ACSM2A: variants seen among roughly 807,000 people sequenced by gnomAD.
ACSM2A encodes the protein acyl-coenzyme A synthetase ACSM2A, mitochondrial.
In ACSM2A, 72 loss-of-function variants were observed where a neutral mutation model predicts 76.6. The ratio of observed to expected loss-of-function variants is 0.94; its 90% CI spans 0.78 to 1.14. The LOEUF (loss-of-function observed/expected upper bound fraction) is 1.14. Among genes scored for constraint, ACSM2A ranks in the 50% most tolerant of loss-of-function variants. The pLI is 0.00. For synonymous variants in ACSM2A, 249 were observed against 255.9 expected (o/e 0.97, Z 0.26); for missense variants, 684 against 708.5 (o/e 0.97, Z 0.39).
At chr16:20,470,922 C>A in intron 4 of ACSM2A, 151 bp from the exon 5 acceptor site, 1 of 1,197,438 alleles carries the variant, frequency 8.4e-7, no homozygotes, top group African/African-American at 1.5e-5. Context: ...GACTCAGACT[C>A]CCATGATCTT....
Position 20,460,619 on chromosome 16 carries a change from C to T in ACSM2A, c.177+328C>T, listed in dbSNP as rs1041061695. On this transcript the variant is annotated intron_variant, in intron 2 of 13. Transcript: ENST00000573854. ...TTTTGGTCTGGGGTCGTAGAAGAGG[C>T]GGGTTTGAATCTAATAATAGCAAAT... is the stretch of plus-strand genomic sequence containing the variant. Among the ~76,000 whole-genome samples the T allele has an allele frequency of 2.7e-4, 41 of 150,760 alleles. 1 individual carries two copies. The highest frequency in any genetic ancestry group is 8.8e-4 in the African/African-American group (36 of 40,890).
At chr16:20,478,371 A>G (rs948052692) in intron 9 of ACSM2A, among the ~76,000 whole-genome samples, 4 of 152,208 alleles carry the variant, frequency 2.6e-5, no homozygotes, top group Admixed American at 6.5e-5. Flanking sequence ...GCCAGTCTCA[A>G]TAAAAGGATT....
intron 12 of ACSM2A, 144 bp from the exon 13 acceptor site, chr16:20,482,914 T>G (rs1438837532): frequency 4.5e-6 from 6 of 1,347,598 alleles, no homozygotes; most frequent in Non-Finnish European, 6.0e-6. Flanking sequence ...GTCCCCAGTT[T>G]TCTCCTTTTC....
intron 13 of ACSM2A, among the ~76,000 whole-genome samples, chr16:20,485,652 T>C (rs907884509): frequency 2.0e-5 from 3 of 152,238 alleles, no homozygotes. Context: ...CTGCAGGCCA[T>C]AGTTTGCTGA....
chr16:20,465,730 T>A lies in ACSM2A; in HGVS notation c.388+3T>A. On this transcript the variant is annotated splice_donor_region_variant and intron_variant, in intron 3 of 13. Transcript: ENST00000573854. ...GATCCTGGGCTGCATTCGAGCAGGT[T>A]GGTAACTGACTACCTGGACAGAGAA... The A allele has an allele frequency of 6.2e-7, 1 of 1,613,216 alleles. No homozygotes were observed. Among genetic ancestry groups the A allele is most frequent in the Admixed American group, 1.7e-5 (1 of 59,996 alleles).
intron 12 of ACSM2A, 82 bp from the exon 13 acceptor site, chr16:20,482,976 A>G: frequency 6.4e-7 from 1 of 1,568,968 alleles, no homozygotes; most frequent in Non-Finnish European, 8.7e-7. Context: ...GGGTGATGGA[A>G]GTCTTAATGC....
intron 6 of ACSM2A, among the ~76,000 whole-genome samples, chr16:20,472,727 C>A (rs909848139): frequency 1.3e-5 from 2 of 151,762 alleles, no homozygotes; most frequent in African/African-American, 4.9e-5. Context: ...GTAAATGGAG[C>A]CAAATTATAT....
In ACSM2A at chr16:20,486,915, C is replaced by A; in HGVS notation, c.*237C>A. The A allele has an allele frequency of 2.4e-6, 1 of 420,752 alleles. No homozygotes were observed. The highest frequency in any genetic ancestry group is 4.1e-6 in the Non-Finnish European group (1 of 241,132). 26.1% of individuals were successfully genotyped at this position (420,752 alleles called of 1,614,324 possible). ...AGAAAAAAAGGAAAGAAAAGTAAGT[C>A]AGGGAAATATTAAAACTGCAAGGGA... On this transcript the variant is annotated 3_prime_UTR_variant, in exon 14 of 14. Coordinates refer to ENST00000573854, the MANE Select transcript of ACSM2A (RefSeq NM_001308172.2).
At chr16:20,481,077 C>G in intron 12 of ACSM2A, 156 bp downstream of exon 12, 1 of 933,708 alleles carries the variant, frequency 1.1e-6, no homozygotes, top group Non-Finnish European at 1.6e-6. Flanking sequence ...AGCTACTTGG[C>G]CTCTCTGTTT....
chr16:20,452,967 C>T (rs2011871055), intron 1 of ACSM2A, among the ~76,000 whole-genome samples: 2 of 152,134 alleles, frequency 1.3e-5, no homozygotes, highest in African/African-American at 4.8e-5. Flanking sequence ...TGGTTGGTTG[C>T]TCCTAAGTTC....
intron 2 of ACSM2A, among the ~76,000 whole-genome samples, chr16:20,463,746 T>G: frequency 6.6e-6 from 1 of 152,226 alleles, no homozygotes; most frequent in Non-Finnish European, 1.5e-5. Context: ...ATATAGTACC[T>G]TATATAAATG....
intron 3 of ACSM2A, among the ~76,000 whole-genome samples, 168 bp from the exon 4 acceptor site, chr16:20,469,344 T>C (rs1479693169): frequency 6.6e-6 from 1 of 152,156 alleles, no homozygotes; most frequent in East Asian, 1.9e-4. Flanking sequence ...ATCCTAGGTT[T>C]CATTCACTCC....
chr16:20,457,328 C>A (rs1279124228), intron 1 of ACSM2A, among the ~76,000 whole-genome samples: 2 of 152,094 alleles, frequency 1.3e-5, no homozygotes, highest in East Asian at 3.9e-4. Flanking sequence ...GCCAGTATTA[C>A]CCTCATACCC....
intron 8 of ACSM2A, chr16:20,476,235 C>T (rs2013732914): frequency 1.0e-6 from 1 of 996,854 alleles, no homozygotes; most frequent in South Asian, 4.4e-5. Flanking sequence ...TTTACTGCAC[C>T]TCCTGACATA....
chr16:20,474,139 G>A (rs1225188032), intron 6 of ACSM2A: 1 of 412,394 alleles, frequency 2.4e-6, no homozygotes, highest in Non-Finnish European at 4.7e-6. Flanking sequence ...TGACCAATTT[G>A]GGCACGTGTT....
intron 1 of ACSM2A, among the ~76,000 whole-genome samples, chr16:20,458,903 TGC>T (rs1233205822): frequency 0.2 from 13,462 of 68,256 alleles, 873 homozygotes; most frequent in East Asian, 0.5. Context: ...TATATATATA[TGC>T]ATATATATAT....
rs1488216521 is a variant in ACSM2A, at chr16:20,475,459, A to G, written c.974+18A>G. 2 of 1,613,450 alleles carry G rather than the reference A, an allele frequency of 1.2e-6. No individual in the cohort carries two copies. Among genetic ancestry groups the G allele is most frequent in the Non-Finnish European group, 1.7e-6 (2 of 1,179,702 alleles). On this transcript the variant is annotated intron_variant, in intron 7 of 13. Coordinates refer to ENST00000573854, the MANE Select transcript of ACSM2A (RefSeq NM_001308172.2). The stretch of plus-strand genomic sequence containing the variant: ...CTTTCCAGGTGATGGGGCTTTGAGG[A>G]TTGGTAAGAGAGTCTGGCCCCATCC...
intron 1 of ACSM2A, among the ~76,000 whole-genome samples, chr16:20,458,904 GCATATATATATATATATATATATATATA>G (rs1226769654): frequency 2.9e-4 from 8 of 27,392 alleles, no homozygotes; most frequent in Admixed American, 3.7e-4. Context: ...ATATATATAT[GCATATATATATATATATATATATATATA>G]CATATATATA....
chr16:20,465,526 C>G lies in ACSM2A; in HGVS notation c.187C>G (p.Arg63Gly), dbSNP rs146541514. 2 of 1,613,832 alleles carry G rather than the reference C, an allele frequency of 1.2e-6. No homozygotes were observed. Among genetic ancestry groups the G allele is most frequent in the Non-Finnish European group, 1.7e-6 (2 of 1,179,774 alleles). Residue 63 changes from arginine (R) to glycine (G), a missense_variant, in exon 3 of 14, where the codon CGA becomes GGA. Around this residue, in one of 3 missense-constraint regions of ACSM2A, gnomAD observed 519 missense variants for 549.5 expected, o/e 0.94. Coordinates refer to ENST00000573854, the MANE Select transcript of ACSM2A (RefSeq NM_001308172.2). ...HWADMEKAGK[R>G]LPSPALWWVN... ...GCTTCTCTTTCCTCAGGCTGGCAAG[C>G]GACTCCCAAGCCCAGCCCTGTGGTG... is the stretch of plus-strand genomic sequence containing the variant.
Sources: allele counts gnomAD v4.1 joint callset (sites outside exome capture counted in the v4.1 genomes callset), GRCh38; gene constraint gnomAD v4.1.1; regional missense constraint gnomAD v4.1.1; transcripts MANE v1.5; gene names NCBI Gene and HGNC (gene_info 2026-07-23, HGNC 2026-07-21).